The following ARHGAP15 variants were observed in gnomAD, a reference collection of about 807,000 sequenced individuals.
ARHGAP15 encodes Rho GTPase activating protein 15.
ARHGAP15 carries 51 observed loss-of-function variants against 63.7 expected under a neutral mutation model. That is an observed-to-expected ratio of 0.80 (90% CI 0.64 to 1.01). The LOEUF is 1.01. Among genes scored for constraint, ARHGAP15 ranks in the 50% least tolerant of loss-of-function variants. The pLI is 0.00. For synonymous variants in ARHGAP15, 191 were observed against 193.8 expected (o/e 0.99, Z 0.12); for missense variants, 560 against 564.6 (o/e 0.99, Z 0.08).
At chr2:143,364,836 T>G (rs1164172165) in intron 6 of ARHGAP15, among the ~76,000 whole-genome samples, 1 of 152,130 alleles carries the variant, frequency 6.6e-6, no homozygotes, top group African/African-American at 2.4e-5. Context: ...CAGAAAACCC[T>G]GTCTCTTAAA....
rs576295139 is a variant in ARHGAP15, at chr2:143,723,823, C to T, written c.1244+20299C>T. The stretch of plus-strand genomic sequence containing the variant: ...CATTCTAGGTGAACAAGAGTAGACA[C>T]AGAGAAAAACTGTAAATTATCCAGT... On this transcript the variant is annotated intron_variant, in intron 13 of 13. Transcript: ENST00000295095. 2.6e-5 allele frequency among the ~76,000 whole-genome samples: 4 copies of T among 152,284 alleles called. No homozygotes were observed. In the East Asian group the frequency reaches 7.7e-4, roughly 29 times the overall value.
chr2:143,543,464 A>G (rs1050166729), intron 10 of ARHGAP15, among the ~76,000 whole-genome samples: 2 of 152,020 alleles, frequency 1.3e-5, no homozygotes, highest in Non-Finnish European at 2.9e-5. Context: ...ATCCTGTCAA[A>G]TGTATATTTT....
intron 11 of ARHGAP15, among the ~76,000 whole-genome samples, chr2:143,614,627 C>T (rs917297960): frequency 6.6e-6 from 1 of 152,000 alleles, no homozygotes; most frequent in African/African-American, 2.4e-5. Context: ...ATATGAATAG[C>T]TAATAAAAAT....
chr2:143,250,408 T>C, intron 5 of ARHGAP15, 103 bp from the exon 6 acceptor site: 1 of 805,106 alleles, frequency 1.2e-6, no homozygotes, highest in Non-Finnish European at 1.9e-6. Flanking sequence ...AAAGGCATTA[T>C]ATCATAAATA....
intron 6 of ARHGAP15, among the ~76,000 whole-genome samples, chr2:143,429,369 T>C (rs1455186923): frequency 1.3e-5 from 2 of 152,094 alleles, no homozygotes; most frequent in African/African-American, 4.8e-5. Context: ...GTTGTACGAA[T>C]GCATGGACAA....
chr2:143,575,236 T>C (rs542284145), intron 11 of ARHGAP15, among the ~76,000 whole-genome samples: 11 of 152,176 alleles, frequency 7.2e-5, no homozygotes, highest in Non-Finnish European at 1.6e-4. Flanking sequence ...AAGATTACTT[T>C]TACTACTTTT....
intron 10 of ARHGAP15, among the ~76,000 whole-genome samples, chr2:143,524,748 C>T (rs897226270): frequency 6.6e-6 from 1 of 152,162 alleles, no homozygotes; most frequent in African/African-American, 2.4e-5. Flanking sequence ...TGGCTGGACA[C>T]CTACTCAACT....
intron 11 of ARHGAP15, chr2:143,608,337 G>A (rs1038478151): frequency 6.6e-6 from 1 of 152,120 alleles, no homozygotes; most frequent in African/African-American, 2.4e-5. Flanking sequence ...AAGGCAGAAT[G>A]TGCTAACATT....
chr2:143,206,802 A>G (rs1312952059), intron 3 of ARHGAP15, among the ~76,000 whole-genome samples: 1 of 152,108 alleles, frequency 6.6e-6, no homozygotes, highest in East Asian at 1.9e-4. Flanking sequence ...ATAAAGTACA[A>G]AAATAATTAT....
At chr2:143,519,395 C>G (rs1469963239) in intron 10 of ARHGAP15, 31 bp downstream of exon 10, 6 of 1,527,698 alleles carry the variant, frequency 3.9e-6, no homozygotes, top group Non-Finnish European at 4.5e-6. Context: ...CAGTTCCCCC[C>G]ATTACTGCAC....
chr2:143,622,095 G>C (rs1481993515), intron 11 of ARHGAP15, among the ~76,000 whole-genome samples: 1 of 152,040 alleles, frequency 6.6e-6, no homozygotes, highest in Non-Finnish European at 1.5e-5. Context: ...TTCTAAATGT[G>C]TTTTAAGCAA....
At chr2:143,668,910 A>G (rs1226293346) in intron 12 of ARHGAP15, among the ~76,000 whole-genome samples, 3 of 152,226 alleles carry the variant, frequency 2.0e-5, no homozygotes, top group African/African-American at 7.2e-5. Flanking sequence ...GGATGGGAGA[A>G]AAATTAAATT....
At chr2:143,593,550 T>C (rs571340884) in intron 11 of ARHGAP15, among the ~76,000 whole-genome samples, 2 of 152,318 alleles carry the variant, frequency 1.3e-5, no homozygotes, top group South Asian at 4.1e-4. Context: ...GAATCCGTGG[T>C]TATTTTATGA....
intron 11 of ARHGAP15, among the ~76,000 whole-genome samples, chr2:143,577,445 T>A (rs1358044597): frequency 6.6e-6 from 1 of 152,144 alleles, no homozygotes; most frequent in Non-Finnish European, 1.5e-5. Flanking sequence ...CCAAAGGATT[T>A]TTTTCCTTTA....
rs896330230 is a variant in ARHGAP15 at position 143,328,170 on chromosome 2, T to C, written c.474+77570T>C. The stretch of plus-strand genomic sequence containing the variant: ...GGAGTGTAAACTAGTTCAACCATTG[T>C]GGAAGACAGTGTGAAGATTCCTCAA... On this transcript the variant is annotated intron_variant, in intron 6 of 13. Coordinates refer to ENST00000295095, the MANE Select transcript of ARHGAP15 (RefSeq NM_018460.4). Among the ~76,000 whole-genome samples, 15 of 152,336 alleles carry C rather than the reference T, an allele frequency of 9.8e-5. No homozygotes were observed. In the South Asian group the frequency reaches 1.0e-3, roughly 11 times the overall value.
At chr2:143,353,061 G>T (rs1020040582) in intron 6 of ARHGAP15, among the ~76,000 whole-genome samples, 2 of 151,914 alleles carry the variant, frequency 1.3e-5, no homozygotes, top group African/African-American at 4.8e-5. Context: ...ACAATTTAAA[G>T]AAACTTTTTT....
At chr2:143,222,100 C>T (rs1693025117) in intron 4 of ARHGAP15, among the ~76,000 whole-genome samples, 1 of 152,174 alleles carries the variant, frequency 6.6e-6, no homozygotes, top group Non-Finnish European at 1.5e-5. Context: ...GGTATTTTTA[C>T]ACCTCAGTGT....
At chr2:143,525,756 A>G (rs558643611) in intron 10 of ARHGAP15, among the ~76,000 whole-genome samples, 6 of 152,260 alleles carry the variant, frequency 3.9e-5, no homozygotes, top group African/African-American at 1.4e-4. Context: ...AGAAAGCCAC[A>G]TTTAGGGCTC....
chr2:143,767,946 TTCA>T (rs2072975748), intron 13 of ARHGAP15, 40 bp from the exon 14 acceptor site: 2 of 1,586,500 alleles, frequency 1.3e-6, no homozygotes, highest in South Asian at 2.3e-5. Context: ...ATAACTTCAC[TTCA>T]AACTCCAGTG....
Sources: allele counts gnomAD v4.1 joint callset (sites outside exome capture counted in the v4.1 genomes callset), GRCh38; gene constraint gnomAD v4.1.1; transcripts MANE v1.5; gene names NCBI Gene and HGNC (gene_info 2026-07-23, HGNC 2026-07-21).